The following GALNTL6 variants were observed in gnomAD, a reference collection of about 807,000 sequenced individuals.
The protein encoded by GALNTL6 is polypeptide N-acetylgalactosaminyltransferase like 6.
Under a neutral mutation model 73.7 loss-of-function variants are expected in GALNTL6, and 46 were observed. The ratio of observed to expected loss-of-function variants is 0.62; its 90% CI spans 0.49 to 0.80. GALNTL6 has a LOEUF of 0.80. GALNTL6 is among the 30% of genes least tolerant of loss of function. The pLI, the probability that GALNTL6 is intolerant of heterozygous loss-of-function variation, is 0.00. For synonymous variants in GALNTL6, 259 were observed against 263.7 expected (o/e 0.98, Z 0.17); for missense variants, 604 against 755.0 (o/e 0.80, Z 2.34).
chr4:172,273,587 ACTTC>A (rs1738730650), intron 3 of GALNTL6, among the ~76,000 whole-genome samples: 1 of 152,202 alleles, frequency 6.6e-6, no homozygotes, highest in African/African-American at 2.4e-5. Flanking sequence ...AGTCAGACAG[ACTTC>A]CTCAAGGAGC....
intron 5 of GALNTL6, among the ~76,000 whole-genome samples, chr4:172,611,758 C>T (rs1738533911): frequency 6.6e-6 from 1 of 152,022 alleles, no homozygotes; most frequent in African/African-American, 2.4e-5. Context: ...TCAGTCTACT[C>T]TTATCTCATG....
chr4:172,600,201 A>G (rs1481513396), intron 5 of GALNTL6, among the ~76,000 whole-genome samples: 1 of 152,146 alleles, frequency 6.6e-6, no homozygotes, highest in South Asian at 2.1e-4. Context: ...GCCATCAGAG[A>G]ATAACTAGCA....
At chr4:172,087,809 C>T (rs1184046054) in intron 2 of GALNTL6, among the ~76,000 whole-genome samples, 6 of 149,392 alleles carry the variant, frequency 4.0e-5, no homozygotes, top group Admixed American at 3.3e-4. Flanking sequence ...GTTTTTTTAT[C>T]GTACATCTTT....
At chr4:172,341,858 A>G (rs1416416262) in intron 4 of GALNTL6, among the ~76,000 whole-genome samples, 1 of 152,190 alleles carries the variant, frequency 6.6e-6, no homozygotes, top group East Asian at 1.9e-4. Context: ...AAAACAGACT[A>G]ATACAGTTGA....
At chr4:172,430,275 G>C (rs748395846) in intron 5 of GALNTL6, among the ~76,000 whole-genome samples, 1 of 151,988 alleles carries the variant, frequency 6.6e-6, no homozygotes, top group African/African-American at 2.4e-5. Flanking sequence ...ATGTGGAGAG[G>C]GGGGTAGGAG....
intron 2 of GALNTL6, among the ~76,000 whole-genome samples, chr4:171,958,382 T>C (rs1490305329): frequency 1.3e-5 from 2 of 152,172 alleles, no homozygotes; most frequent in Non-Finnish European, 2.9e-5. Context: ...ACTAAGCTAA[T>C]GCTTTCAGGG....
chr4:172,459,246 C>G (rs954710599), intron 5 of GALNTL6, among the ~76,000 whole-genome samples: 1 of 152,240 alleles, frequency 6.6e-6, no homozygotes, highest in East Asian at 1.9e-4. Flanking sequence ...GACAAATCCA[C>G]AGCCAATATC....
intron 2 of GALNTL6, among the ~76,000 whole-genome samples, chr4:172,215,769 GT>G (rs1172581330): frequency 6.6e-6 from 1 of 152,026 alleles, no homozygotes; most frequent in Non-Finnish European, 1.5e-5. Context: ...TGTTGCAGTA[GT>G]TTTTTGCTTC....
intron 5 of GALNTL6, among the ~76,000 whole-genome samples, chr4:172,610,896 T>A (rs1738502105): frequency 6.6e-6 from 1 of 152,124 alleles, no homozygotes; most frequent in Non-Finnish European, 1.5e-5. Flanking sequence ...ATATGTAGGA[T>A]AGTTGGGTAT....
At chr4:171,875,654 T>A (rs1227728954) in intron 2 of GALNTL6, among the ~76,000 whole-genome samples, 1 of 152,008 alleles carries the variant, frequency 6.6e-6, no homozygotes, top group African/African-American at 2.4e-5. Context: ...CTTCTCAGCA[T>A]GTAGCTAGTG....
At chr4:172,825,158 C>T (rs1335124951) in intron 7 of GALNTL6, among the ~76,000 whole-genome samples, 2 of 128,220 alleles carry the variant, frequency 1.6e-5, no homozygotes, top group Non-Finnish European at 3.2e-5. Context: ...TGGTCTAATA[C>T]TTCTTGGTAT....
intron 5 of GALNTL6, among the ~76,000 whole-genome samples, chr4:172,453,158 C>T (rs913295200): frequency 1.3e-5 from 2 of 151,714 alleles, no homozygotes; most frequent in African/African-American, 4.8e-5. Flanking sequence ...GCTGAGATCC[C>T]GCCATTGCAT....
At chr4:173,024,136 C>T (rs943192011) in intron 12 of GALNTL6, among the ~76,000 whole-genome samples, 2 of 152,034 alleles carry the variant, frequency 1.3e-5, no homozygotes, top group Non-Finnish European at 2.9e-5. Flanking sequence ...CACAGAGCTC[C>T]TGGGGAGAAA....
chr4:172,552,698 G>A (rs945273050), intron 5 of GALNTL6, among the ~76,000 whole-genome samples: 6 of 149,468 alleles, frequency 4.0e-5, no homozygotes, highest in Admixed American at 6.6e-5. Context: ...AAAAACTTAC[G>A]TGTGAGAGTT....
rs543877200 is a variant in GALNTL6 at position 171,970,786 on chromosome 4, TA to T, written c.138+156074del. 2.2e-4 allele frequency among the ~76,000 whole-genome samples: 34 copies of T among 152,314 alleles called. 1 individual carries two copies. The East Asian group carries it at 5.0e-3, about 22-fold the overall frequency. On this transcript the variant is annotated intron_variant, in intron 2 of 12. Coordinates refer to ENST00000506823, the MANE Select transcript of GALNTL6 (RefSeq NM_001034845.3). ...ATTGCAAAAATATAACCATTGGCTT[TA>T]AAAAAGATAAATATGGCTTAATACA...
chr4:172,310,428 G>A (rs1356133007), intron 3 of GALNTL6, among the ~76,000 whole-genome samples: 6 of 151,962 alleles, frequency 3.9e-5, no homozygotes, highest in Middle Eastern at 3.4e-3. Flanking sequence ...GTGCCACCAC[G>A]CCTGCCTAAT....
chr4:172,607,955 C>T (rs1429098821), intron 5 of GALNTL6, among the ~76,000 whole-genome samples: 1 of 151,898 alleles, frequency 6.6e-6, no homozygotes, highest in Non-Finnish European at 1.5e-5. Context: ...TTGTTCTTTG[C>T]ATGTGAATTT....
In GALNTL6 at chr4:171,983,734, G is replaced by A. The variant is rs1323359656; in HGVS notation, c.138+169016G>A. Among the ~76,000 whole-genome samples the A allele has an allele frequency of 2.0e-4, 31 of 152,024 alleles. 1 individual carries two copies. Among genetic ancestry groups the A allele is most frequent in the Non-Finnish European group, 3.5e-4 (24 of 68,026 alleles). ...AAGTCATTGGGACAATCAATGAGGGGTGGGTTGAAATGTGGGGGTTAGAGT... is the reference window on the plus strand; with the variant it reads ...AAGTCATTGGGACAATCAATGAGGGATGGGTTGAAATGTGGGGGTTAGAGT... On this transcript the variant is annotated intron_variant, in intron 2 of 12. Coordinates refer to ENST00000506823, the MANE Select transcript of GALNTL6 (RefSeq NM_001034845.3).
intron 5 of GALNTL6, among the ~76,000 whole-genome samples, chr4:172,648,775 T>C (rs1740353501): frequency 6.6e-6 from 1 of 152,228 alleles, no homozygotes; most frequent in South Asian, 2.1e-4. Flanking sequence ...ATTTGCATTC[T>C]AGGCCTTTTC....
Sources: gnomAD v4.1 joint callset for allele counts (sites outside exome capture counted in the v4.1 genomes callset) on GRCh38, gnomAD v4.1.1 for gene constraint, MANE v1.5 for transcripts, NCBI Gene and HGNC (gene_info 2026-07-23, HGNC 2026-07-21) for gene names.